Variants in DGCR2 observed in about 807,000 individuals in gnomAD.
DGCR2 encodes the protein DiGeorge syndrome critical region gene 2.
A neutral mutation model predicts 51.6 loss-of-function variants in DGCR2; 24 were observed. The observed-to-expected ratio is 0.47, with a 90% confidence interval of 0.34 to 0.65. The LOEUF (loss-of-function observed/expected upper bound fraction) is 0.65, where lower values mean the gene tolerates loss of function less well. Among genes scored for constraint, DGCR2 ranks in the 30% least tolerant of loss-of-function variants. DGCR2 has a pLI of 0.01. For missense variants in DGCR2, 765 were observed against 772.1 expected, an observed-to-expected ratio of 0.99 and a Z score of 0.11; for synonymous variants, 340 against 315.4, an observed-to-expected ratio of 1.08 and a Z score of -0.82.
At chr22:19,084,657 C>T (rs1422682947) in intron 2 of DGCR2, among the ~76,000 whole-genome samples, 8 of 147,916 alleles carry the variant, frequency 5.4e-5, no homozygotes, top group Admixed American at 4.7e-4. Flanking sequence ...CCACCCCATC[C>T]GGGAGGGAGG....
At chr22:19,063,140 AG>A (rs2082704446) in intron 5 of DGCR2, 61 bp downstream of exon 5, 9 of 1,480,804 alleles carry the variant, frequency 6.1e-6, no homozygotes, top group Non-Finnish European at 4.7e-6. Flanking sequence ...GGAGGAGGGG[AG>A]GCCCCGAATC....
intron 2 of DGCR2, among the ~76,000 whole-genome samples, chr22:19,076,761 C>T (rs1003710672): frequency 9.8e-5 from 11 of 112,062 alleles, no homozygotes; most frequent in African/African-American, 3.7e-4. Flanking sequence ...GATGGAGTCT[C>T]GCTCTCTCTC....
chr22:19,042,320 G>A (rs767338173), intron 7 of DGCR2, among the ~76,000 whole-genome samples: 7 of 152,198 alleles, frequency 4.6e-5, no homozygotes, highest in Non-Finnish European at 5.9e-5. Context: ...GCTGGGGAGC[G>A]GCCCTCCTGC....
At position 19,041,199 on chromosome 22, in the gene DGCR2, C is replaced by T. The variant is rs778595037; in HGVS notation, c.1255G>A (p.Gly419Arg). The part of the protein sequence containing the change: ...GLTPLHLSDD[G>R]EGGTFHFHDP... ...TGGAAATGGAAAGTCCCACCCTCTC[C>T]GTCGTCAGAAAGATGCAGCGGCGTG... Residue 419 changes from glycine (G) to arginine (R), a missense_variant, in exon 9 of 10, where the codon GGA (glycine) becomes AGA (arginine). Transcript: ENST00000263196. The T allele has an allele frequency of 1.4e-5, 22 of 1,614,040 alleles. No homozygotes were observed. In the Admixed American group the frequency reaches 2.7e-4, roughly 20 times the overall value.
Position 19,089,489 on chromosome 22 carries a change from C to A in DGCR2, c.81G>T (p.Glu27Asp). ...VLTVTEPLRPELRCNPGQFAC... is the reference protein window; with the variant it reads ...VLTVTEPLRPDLRCNPGQFAC... ...CAAACTGCCCAGGGTTGCACCGCAG[C>A]TCTGTGGGACCAAAGGGTGAGAGGC... is the stretch of plus-strand genomic sequence containing the variant. Residue 27 changes from glutamate to aspartate, a missense_variant and splice_region_variant, in exon 2 of 10, where the codon GAG becomes GAT. By Grantham distance (45) the Glu-to-Asp change is conservative. Coordinates refer to ENST00000263196, the MANE Select transcript of DGCR2 (RefSeq NM_005137.3). 1 of 1,570,278 alleles carries A rather than the reference C, an allele frequency of 6.4e-7. No homozygotes were observed. Among genetic ancestry groups the A allele is most frequent in the Non-Finnish European group, 8.7e-7 (1 of 1,153,712 alleles).
At position 19,068,124 on chromosome 22, in the gene DGCR2, C is replaced by A; in HGVS notation, c.304G>T (p.Val102Leu). 6.2e-7 allele frequency: 1 copy of A among 1,602,738 alleles called. No individual in the cohort carries two copies. ...CTGCTGAAGCGAACGGGCTGCGCCA[C>A]GTTCACCGCGTGGAAGTGCGAAGGG... ...GDPSHFHAVN[V>L]AQPVRFSSFL... Residue 102 changes from valine (V) to leucine (L), a missense_variant, in exon 3 of 10, where the codon GTG becomes TTG. Around this residue, in one of 3 missense-constraint regions of DGCR2, gnomAD observed 370 missense variants for 325.5 expected, o/e 1.14. Coordinates refer to ENST00000263196, the MANE Select transcript of DGCR2 (RefSeq NM_005137.3).
intron 1 of DGCR2, chr22:19,121,695 A>C (rs1423261340): frequency 6.5e-6 from 1 of 153,838 alleles, no homozygotes; most frequent in Non-Finnish European, 1.4e-5. Flanking sequence ...GCAACGTCTC[A>C]CTGAATGACA....
chr22:19,054,227 G>T (rs1569044704), intron 6 of DGCR2, among the ~76,000 whole-genome samples: 1 of 152,052 alleles, frequency 6.6e-6, no homozygotes, highest in African/African-American at 2.4e-5. Flanking sequence ...AATACACACT[G>T]AAGTATAAAA....
chr22:19,117,374 C>T (rs1334831196), intron 1 of DGCR2, among the ~76,000 whole-genome samples: 1 of 152,262 alleles, frequency 6.6e-6, no homozygotes, highest in African/African-American at 2.4e-5. Flanking sequence ...TGCAGTGATG[C>T]CAGCTTGCCT....
At position 19,088,263 on chromosome 22, in the gene DGCR2, G is replaced by A. The variant is rs146626580; in HGVS notation, c.202+1105C>T. On this transcript the variant is annotated intron_variant, in intron 2 of 9. Transcript: ENST00000263196. ...AAATCAAGCCTGGGCACCAGGAATG[G>A]TGAGAATTACCAATGGTTCTGATGC... is the stretch of plus-strand genomic sequence containing the variant. 2.6e-5 allele frequency among the ~76,000 whole-genome samples: 4 copies of A among 152,322 alleles called. No individual in the cohort carries two copies. The East Asian group carries it at 7.7e-4, about 29-fold the overall frequency.
At position 19,122,301 on chromosome 22, in the gene DGCR2, C is replaced by G; in HGVS notation, c.-95G>C. 3 of 1,051,880 alleles carry G rather than the reference C, an allele frequency of 2.9e-6. No individual in the cohort carries two copies. Among genetic ancestry groups the G allele is most frequent in the Non-Finnish European group, 3.9e-6 (3 of 769,268 alleles). The allele number at this position is 1,051,880 out of a possible 1,614,324, so 65.2% of individuals were successfully genotyped here. A position where few individuals can be genotyped will look rare whatever the true frequency, so the allele number is the denominator to read the frequency against. The stretch of plus-strand genomic sequence containing the variant: ...GTGCCAAGCGGAGGGTCAGGCGGAG[C>G]TGAACCTGGGCGAGGCGCGGAGAGG... On this transcript the variant is annotated 5_prime_UTR_variant, in exon 1 of 10. Coordinates refer to ENST00000263196, the MANE Select transcript of DGCR2 (RefSeq NM_005137.3).
chr22:19,044,065 T>G (rs573217192), intron 7 of DGCR2, among the ~76,000 whole-genome samples: 2 of 152,280 alleles, frequency 1.3e-5, no homozygotes, highest in South Asian at 4.1e-4. Flanking sequence ...GGGGAGCTCC[T>G]AAGAAAGCAG....
At chr22:19,107,639 G>A (rs2083272748) in intron 1 of DGCR2, among the ~76,000 whole-genome samples, 1 of 152,224 alleles carries the variant, frequency 6.6e-6, no homozygotes, top group African/African-American at 2.4e-5. Context: ...CATATAAGAT[G>A]AAAGAAGAGA....
chr22:19,042,114 G>A (rs2082439737), intron 7 of DGCR2, among the ~76,000 whole-genome samples, 155 bp from the exon 8 acceptor site: 1 of 152,216 alleles, frequency 6.6e-6, no homozygotes, highest in Admixed American at 6.5e-5. Context: ...GTGAAATAAG[G>A]CCGCTCAAAA....
intron 1 of DGCR2, among the ~76,000 whole-genome samples, chr22:19,113,240 C>G (rs1046923972): frequency 1.8e-4 from 27 of 152,180 alleles, no homozygotes; most frequent in South Asian, 1.0e-3. Context: ...TGTGGTGGCG[C>G]ATGCCTGTAG....
chr22:19,088,660 T>C (rs1207409151), intron 2 of DGCR2, among the ~76,000 whole-genome samples: 1 of 152,112 alleles, frequency 6.6e-6, no homozygotes, highest in African/African-American at 2.4e-5. Context: ...CACCACCTAG[T>C]CTTAAAAACG....
intron 2 of DGCR2, among the ~76,000 whole-genome samples, chr22:19,068,981 C>A (rs376897730): frequency 1.2e-4 from 19 of 152,398 alleles, no homozygotes; most frequent in African/African-American, 4.6e-4. Context: ...CCTCCCATCT[C>A]ACAAGGTGAA....
chr22:19,100,122 T>C (rs1198040367), intron 1 of DGCR2, among the ~76,000 whole-genome samples: 1 of 151,748 alleles, frequency 6.6e-6, no homozygotes, highest in Non-Finnish European at 1.5e-5. Flanking sequence ...ATACAAACAT[T>C]AGCTGGACGT....
At chr22:19,062,774 TGCTCACTC>T (rs2082685452) in intron 5 of DGCR2, among the ~76,000 whole-genome samples, 1 of 113,860 alleles carries the variant, frequency 8.8e-6, no homozygotes. Flanking sequence ...CACACATGCA[TGCTCACTC>T]TCTCTCTCTC....
Sources: allele counts gnomAD v4.1 joint callset (sites outside exome capture counted in the v4.1 genomes callset), GRCh38; gene constraint gnomAD v4.1.1; regional missense constraint gnomAD v4.1.1; transcripts MANE v1.5; gene names NCBI Gene and HGNC (gene_info 2026-07-23, HGNC 2026-07-21).